SCAPER: variants seen among roughly 807,000 people sequenced by gnomAD.
SCAPER encodes S-phase cyclin A associated protein in the ER, also known as S phase cyclin A-associated protein in the endoplasmic reticulum.
A neutral mutation model predicts 182.2 loss-of-function variants in SCAPER; 98 were observed. The ratio of observed to expected loss-of-function variants is 0.54; its 90% CI spans 0.46 to 0.64. The LOEUF (loss-of-function observed/expected upper bound fraction) is 0.64. Among genes scored for constraint, SCAPER ranks in the 30% least tolerant of loss-of-function variants. The pLI, the probability that SCAPER is intolerant of heterozygous loss-of-function variation, is 0.00. For synonymous variants in SCAPER, 605 were observed against 564.6 expected (o/e 1.07, Z -1.01); for missense variants, 1,432 against 1,690.0 (o/e 0.85, Z 2.68).
chr15:76,728,701 G>A lies in SCAPER; in HGVS notation c.2059C>T (p.Arg687Cys), dbSNP rs1036019064. 4 of 1,612,960 alleles carry A rather than the reference G, an allele frequency of 2.5e-6. No individual in the cohort carries two copies. Among genetic ancestry groups the A allele is most frequent in the Non-Finnish European group, 3.4e-6 (4 of 1,179,504 alleles). Residue 687 changes from arginine to cysteine, a missense_variant, in exon 17 of 32, where the codon CGT (arginine) becomes TGT (cysteine). Around this residue, in one of 5 missense-constraint regions of SCAPER, gnomAD observed 88 missense variants for 184.2 expected, o/e 0.48. Transcript: ENST00000563290. ...CTCTTCATTAACAATTCTTCTACAC[G>A]GGCCTGCCGCTCTGCCTCTAGAGCT... Reference protein sequence around the residue: ...KRALEAERQARVEELLMKRKE... With the variant: ...KRALEAERQACVEELLMKRKE...
intron 5 of SCAPER, among the ~76,000 whole-genome samples, chr15:76,835,268 A>T (rs530849315): frequency 6.8e-5 from 10 of 147,006 alleles, no homozygotes; most frequent in South Asian, 2.1e-4. Context: ...ACACAGATTT[A>T]AAAAAAAAGA....
At position 76,504,846 on chromosome 15, in the gene SCAPER, A is replaced by G; in HGVS notation, c.2954+13T>C. On this transcript the variant is annotated intron_variant, in intron 24 of 31. Transcript: ENST00000563290. ...AATGAAACGTAAAAAATAGATTAAG[A>G]AACTATACTTACTTAGGAGGAATTC... is the stretch of plus-strand genomic sequence containing the variant. The G allele has an allele frequency of 1.3e-6, 2 of 1,572,684 alleles. No homozygotes were observed. Among genetic ancestry groups the G allele is most frequent in the Non-Finnish European group, 8.6e-7 (1 of 1,156,506 alleles).
At chr15:76,377,088 C>T (rs1455382312) in intron 28 of SCAPER, among the ~76,000 whole-genome samples, 1 of 152,212 alleles carries the variant, frequency 6.6e-6, no homozygotes, top group African/African-American at 2.4e-5. Context: ...TGGAATGAAG[C>T]ACCACTGCTG....
chr15:76,396,695 C>T (rs1036516753), intron 27 of SCAPER, among the ~76,000 whole-genome samples: 7 of 152,100 alleles, frequency 4.6e-5, no homozygotes, highest in African/African-American at 1.7e-4. Context: ...ATTGGTTTAT[C>T]GGTTCTAATA....
At position 76,404,580 on chromosome 15, in the gene SCAPER, C is replaced by A. The variant is rs2044692066; in HGVS notation, c.3411G>T (p.Gln1137His). 1 of 1,613,572 alleles carries A rather than the reference C, an allele frequency of 6.2e-7. No individual in the cohort carries two copies. The highest frequency in any genetic ancestry group is 1.3e-5 in the African/African-American group (1 of 74,906). Residue 1137 changes from glutamine to histidine, a missense_variant, in exon 27 of 32, where the codon CAG (glutamine) becomes CAT (histidine). Around this residue, in one of 5 missense-constraint regions of SCAPER, gnomAD observed 718 missense variants for 799.7 expected, o/e 0.90. Coordinates refer to ENST00000563290, the MANE Select transcript of SCAPER (RefSeq NM_020843.4). The stretch of plus-strand genomic sequence containing the variant: ...TTGCATGTAAGAGTCCTGCGGCATG[C>A]TGCAGAAATATGGCCATCTTGGGAT... ...DENPKMAIFL[Q>H]HAAGLLHAMC...
intron 5 of SCAPER, among the ~76,000 whole-genome samples, chr15:76,831,553 A>C (rs2068485546): frequency 5.7e-5 from 7 of 121,862 alleles, no homozygotes; most frequent in Admixed American, 1.7e-4. Context: ...CCCCTCAATC[A>C]CCCCATTGGT....
chr15:76,721,167 T>A lies in SCAPER; in HGVS notation c.2165+7428A>T, dbSNP rs1044101001. On this transcript the variant is annotated intron_variant, in intron 17 of 31. Transcript: ENST00000563290. ...ATGGCTAGCCAGTTTGCCCAGCACC[T>A]TTTATTAAATAGGGAATCCTTTCCC... 4.6e-5 allele frequency among the ~76,000 whole-genome samples: 7 copies of A among 152,240 alleles called. No homozygotes were observed. The East Asian group carries it at 7.7e-4, about 17-fold the overall frequency.
At chr15:76,768,758 C>CA (rs1383363629) in intron 10 of SCAPER, among the ~76,000 whole-genome samples, 1 of 148,378 alleles carries the variant, frequency 6.7e-6, no homozygotes, top group African/African-American at 2.5e-5. Context: ...AAAAAGTAAC[C>CA]AAAAAACTAG....
Position 76,394,366 on chromosome 15 carries a change from A to T in SCAPER, c.3467+10158T>A, listed in dbSNP as rs140420036. 1.5e-3 allele frequency among the ~76,000 whole-genome samples: 226 copies of T among 152,326 alleles called. 1 individual carries two copies. Among genetic ancestry groups the T allele is most frequent in the Middle Eastern group, 3.4e-3 (1 of 294 alleles). On this transcript the variant is annotated intron_variant, in intron 27 of 31. Coordinates refer to ENST00000563290, the MANE Select transcript of SCAPER (RefSeq NM_020843.4). ...ACTGAAAAGATTCAAACCTGACTGG[A>T]AGACCAGATAGGGGACTTTAAGTTT...
intron 24 of SCAPER, among the ~76,000 whole-genome samples, chr15:76,493,047 G>A (rs1179932298): frequency 1.3e-5 from 2 of 152,108 alleles, no homozygotes; most frequent in African/African-American, 4.8e-5. Context: ...CACTTAGAGT[G>A]GGTGGGGATA....
At chr15:76,871,873 G>A (rs927001330) in intron 2 of SCAPER, among the ~76,000 whole-genome samples, 3 of 152,014 alleles carry the variant, frequency 2.0e-5, no homozygotes, top group African/African-American at 7.3e-5. Context: ...TTACAGGTGT[G>A]AGCCACCACG....
chr15:76,393,467 C>A (rs576005247), intron 27 of SCAPER, among the ~76,000 whole-genome samples: 1 of 152,302 alleles, frequency 6.6e-6, no homozygotes, highest in South Asian at 2.1e-4. Context: ...TAGGAATGGG[C>A]TGACAGTATC....
At chr15:76,832,337 A>G (rs2151721241) in intron 5 of SCAPER, among the ~76,000 whole-genome samples, 1 of 152,372 alleles carries the variant, frequency 6.6e-6, no homozygotes, top group South Asian at 2.1e-4. Context: ...TCACAATACA[A>G]TTGGAAGAAT....
intron 5 of SCAPER, among the ~76,000 whole-genome samples, chr15:76,821,002 T>C (rs1231509660): frequency 1.3e-5 from 2 of 152,140 alleles, no homozygotes; most frequent in South Asian, 2.1e-4. Context: ...TGTAGAGCAA[T>C]GGGAACACTC....
chr15:76,708,248 T>G (rs917524913), intron 17 of SCAPER, among the ~76,000 whole-genome samples: 2 of 152,198 alleles, frequency 1.3e-5, no homozygotes, highest in African/African-American at 4.8e-5. Context: ...GTATTTGTAT[T>G]ATTCTTATCA....
chr15:76,671,045 A>G (rs2056977972), intron 20 of SCAPER, among the ~76,000 whole-genome samples: 1 of 152,192 alleles, frequency 6.6e-6, no homozygotes, highest in Admixed American at 6.5e-5. Context: ...ATAGTCATTA[A>G]AATCCTTATT....
intron 21 of SCAPER, among the ~76,000 whole-genome samples, chr15:76,656,348 A>G (rs2055633448): frequency 6.6e-6 from 1 of 152,226 alleles, no homozygotes; most frequent in Non-Finnish European, 1.5e-5. Flanking sequence ...AAGAAGACCT[A>G]ACTATACTAA....
At chr15:76,495,240 G>A (rs962969313) in intron 24 of SCAPER, among the ~76,000 whole-genome samples, 2 of 151,850 alleles carry the variant, frequency 1.3e-5, no homozygotes, top group Non-Finnish European at 2.9e-5. Flanking sequence ...AACCCAATCC[G>A]GAATGAAGTT....
At chr15:76,624,778 G>C (rs188676983) in intron 21 of SCAPER, among the ~76,000 whole-genome samples, 1 of 152,180 alleles carries the variant, frequency 6.6e-6, no homozygotes, top group Non-Finnish European at 1.5e-5. Context: ...CACTGATACC[G>C]GCGTTAGCAG....
Sources: allele counts gnomAD v4.1 joint callset (sites outside exome capture counted in the v4.1 genomes callset), GRCh38; gene constraint gnomAD v4.1.1; regional missense constraint gnomAD v4.1.1; transcripts MANE v1.5; gene names NCBI Gene and HGNC (gene_info 2026-07-23, HGNC 2026-07-21).